Variants in THAP8 observed in about 807,000 individuals in gnomAD.
The protein encoded by THAP8 is THAP domain-containing protein 8.
Under a neutral mutation model 25.0 loss-of-function variants are expected in THAP8, and 24 were observed. The ratio of observed to expected loss-of-function variants is 0.96; its 90% CI spans 0.69 to 1.35. The LOEUF is 1.35. THAP8 is among the 40% of genes most tolerant of loss of function. The pLI, the probability that THAP8 is intolerant of heterozygous loss-of-function variation, is 0.00. For missense variants in THAP8, 399 were observed against 368.8 expected, an observed-to-expected ratio of 1.08 and a Z score of -0.67; for synonymous variants, 169 against 157.6, an observed-to-expected ratio of 1.07 and a Z score of -0.54.
chr19:36,054,157 T>G lies in THAP8; in HGVS notation c.61A>C (p.Asn21His). The change falls in exon 1 of 4, where the codon AAC becomes CAC. Residue 21 changes from asparagine to histidine, a missense_variant. Physicochemically the swap from Asn to His is moderately conservative, Grantham distance 68 (BLOSUM62 1). Transcript: ENST00000292894. ...SNTAGRLGAD[N>H]RPVSFYKFPL... ...CACTTGTAGAAGCTCACAGGGCGGT[T>G]GTCTGCACCCAGGCGGCCCGCAGTG... The G allele has an allele frequency of 2.5e-6, 4 of 1,614,020 alleles. No individual in the cohort carries two copies. Among genetic ancestry groups the G allele is most frequent in the Non-Finnish European group, 2.5e-6 (3 of 1,179,958 alleles).
At chr19:36,036,410 G>C (rs185233517) in intron 3 of THAP8, among the ~76,000 whole-genome samples, 1 of 150,706 alleles carries the variant, frequency 6.6e-6, no homozygotes, top group East Asian at 2.0e-4. Flanking sequence ...CAAATAGCTA[G>C]AACTATAGGT....
Position 36,039,538 on chromosome 19 carries a change from G to T in THAP8, c.457C>A (p.Pro153Thr). The change falls in exon 3 of 4, where the codon CCT becomes ACT. Residue 153 changes from proline (P) to threonine (T), a missense_variant. Physicochemically the swap from Pro to Thr is conservative, Grantham distance 38. Coordinates refer to ENST00000292894, the MANE Select transcript of THAP8 (RefSeq NM_152658.3). ...VATMLLTPLA[P>T]APTPERSQPE... ...TGTGACCGCTCAGGAGTTGGCGCAG[G>T]GGCCAGGGGGGTCAGGAGCATGGTG... 1 of 1,538,668 alleles carries T rather than the reference G, an allele frequency of 6.5e-7. No homozygotes were observed. The highest frequency in any genetic ancestry group is 8.8e-7 in the Non-Finnish European group (1 of 1,138,818).
intron 1 of THAP8, among the ~76,000 whole-genome samples, chr19:36,048,831 AC>A (rs1433801711): frequency 3.2e-5 from 4 of 123,082 alleles, no homozygotes; most frequent in Non-Finnish European, 6.5e-5. Flanking sequence ...GGTGATAAAG[AC>A]CCCTTCTTTA....
intron 1 of THAP8, among the ~76,000 whole-genome samples, chr19:36,045,145 C>T (rs1411898290): frequency 1.3e-5 from 2 of 151,718 alleles, no homozygotes; most frequent in Admixed American, 6.6e-5. Context: ...TGGAGTGCAG[C>T]GGCGCAATCT....
chr19:36,037,700 C>T (rs1318465960), intron 3 of THAP8, among the ~76,000 whole-genome samples: 1 of 152,140 alleles, frequency 6.6e-6, no homozygotes, highest in Non-Finnish European at 1.5e-5. Flanking sequence ...AGTGCAATGG[C>T]ACAATCTCGG....
chr19:36,049,896 T>C (rs1970004749), intron 1 of THAP8, among the ~76,000 whole-genome samples: 1 of 151,910 alleles, frequency 6.6e-6, no homozygotes, highest in Non-Finnish European at 1.5e-5. Context: ...CTACTAAAAA[T>C]ACAAAGAATT....
At position 36,036,091 on chromosome 19, in the gene THAP8, C is replaced by T. The variant is rs543215312; in HGVS notation, c.673-499G>A. Among the ~76,000 whole-genome samples the T allele has an allele frequency of 2.6e-5, 4 of 152,024 alleles. No homozygotes were observed. The South Asian group carries it at 8.3e-4, about 32-fold the overall frequency. On this transcript the variant is annotated intron_variant, in intron 3 of 3. Transcript: ENST00000292894. ...AGCTCAGGGGATCTGGCAGGCTCCACAAAGAGCCCCAGGCCCGAGTCTGAG... is the reference window on the plus strand; with the variant it reads ...AGCTCAGGGGATCTGGCAGGCTCCATAAAGAGCCCCAGGCCCGAGTCTGAG...
rs927554662 is a variant in THAP8 at position 36,039,543 on chromosome 19, A to AG, written c.451dup (p.Leu151ProfsTer8). ...CCGCTCAGGAGTTGGCGCAGGGGCC[A>AG]GGGGGGTCAGGAGCATGGTGGCCAC... On this transcript the variant is annotated frameshift_variant, in exon 3 of 4. Transcript: ENST00000292894. LOFTEE classifies it high-confidence loss of function. 3.3e-6 allele frequency: 5 copies of AG among 1,535,806 alleles called. No homozygotes were observed. The highest frequency in any genetic ancestry group is 1.4e-5 in the African/African-American group (1 of 72,916).
At chr19:36,052,348 C>T (rs1471985181) in intron 1 of THAP8, among the ~76,000 whole-genome samples, 5 of 152,150 alleles carry the variant, frequency 3.3e-5, no homozygotes, top group Admixed American at 2.6e-4. Context: ...TGGCCAGTTG[C>T]CCGCTTTTTA....
chr19:36,038,079 G>A (rs956827232), intron 3 of THAP8, among the ~76,000 whole-genome samples: 2 of 152,016 alleles, frequency 1.3e-5, no homozygotes, highest in Non-Finnish European at 2.9e-5. Flanking sequence ...CAAGTAGCTG[G>A]GATTACAGGT....
At position 36,039,738 on chromosome 19, in the gene THAP8, G is replaced by A; in HGVS notation, c.277-20C>T. 1 of 1,497,394 alleles carries A rather than the reference G, an allele frequency of 6.7e-7. No homozygotes were observed. Among genetic ancestry groups the A allele is most frequent in the Non-Finnish European group, 8.9e-7 (1 of 1,123,706 alleles). The allele number at this position is 1,497,394 out of a possible 1,614,324, so 92.8% of individuals were successfully genotyped here. On this transcript the variant is annotated intron_variant, in intron 2 of 3. Transcript: ENST00000292894. ...CTGACTCTGGAAGACAAGGCATGGG[G>A]TGCAGGGGTGCCGTGGTCAGACTTC...
In THAP8 at chr19:36,039,713, C is replaced by A; in HGVS notation, c.282G>T (p.Gln94His). 1 of 1,517,990 alleles carries A rather than the reference C, an allele frequency of 6.6e-7. No individual in the cohort carries two copies. 94.0% of individuals were successfully genotyped at this position (1,517,990 alleles called of 1,614,324 possible). The change falls in exon 3 of 4, where the codon CAG becomes CAT. Residue 94 changes from glutamine to histidine, a missense_variant. Transcript: ENST00000292894. ...GCTTCTGGGTGCTTCGGGTCCTCCGCTGACTCTGGAAGACAAGGCATGGGG... is the reference window on the plus strand; with the variant it reads ...GCTTCTGGGTGCTTCGGGTCCTCCGATGACTCTGGAAGACAAGGCATGGGG... ...IFSRGPPAKS[Q>H]RRTRSTQKPV...
intron 1 of THAP8, among the ~76,000 whole-genome samples, chr19:36,052,567 T>G (rs936685547): frequency 6.6e-6 from 1 of 152,248 alleles, no homozygotes; most frequent in Non-Finnish European, 1.5e-5. Context: ...AACTAAGCAG[T>G]GTTCAGATTG....
rs1219498178 is a variant in THAP8, at chr19:36,053,049, C to T, written c.83+1086G>A. Among the ~76,000 whole-genome samples, 5 of 151,380 alleles carry T rather than the reference C, an allele frequency of 3.3e-5. 1 individual carries two copies. Among genetic ancestry groups the T allele is most frequent in the Admixed American group, 2.6e-4 (4 of 15,202 alleles). ...ACTAGACTGGACAACATAGGGTGAT[C>T]CCATCTCTCTCTTTAAAAACAAAAT... On this transcript the variant is annotated intron_variant, in intron 1 of 3. Coordinates refer to ENST00000292894, the MANE Select transcript of THAP8 (RefSeq NM_152658.3).
intron 1 of THAP8, among the ~76,000 whole-genome samples, chr19:36,044,264 T>A (rs902913732): frequency 1.3e-5 from 2 of 152,200 alleles, no homozygotes; most frequent in East Asian, 3.8e-4. Context: ...CTCATGCATA[T>A]CCCATCTTCA....
chr19:36,052,631 T>C (rs1348376395), intron 1 of THAP8, among the ~76,000 whole-genome samples: 1 of 152,132 alleles, frequency 6.6e-6, no homozygotes, highest in Non-Finnish European at 1.5e-5. Flanking sequence ...GTCCGGATGG[T>C]GAAGTGGGCC....
At chr19:36,051,988 T>C (rs1970068227) in intron 1 of THAP8, among the ~76,000 whole-genome samples, 1 of 152,104 alleles carries the variant, frequency 6.6e-6, no homozygotes, top group Non-Finnish European at 1.5e-5. Flanking sequence ...TATTCTGAAC[T>C]GTGCATGTGA....
chr19:36,041,891 G>A (rs1031663240), intron 1 of THAP8, among the ~76,000 whole-genome samples: 3 of 151,686 alleles, frequency 2.0e-5, no homozygotes, highest in African/African-American at 7.3e-5. Context: ...GACCATCCTG[G>A]GCAATGTAGC....
At chr19:36,052,043 T>C (rs980974300) in intron 1 of THAP8, among the ~76,000 whole-genome samples, 16 of 151,392 alleles carry the variant, frequency 1.1e-4, no homozygotes, top group Non-Finnish European at 1.9e-4. Flanking sequence ...GTTTGTTTTT[T>C]GGGTTTTTTG....
Sources: gnomAD v4.1 joint callset for allele counts (sites outside exome capture counted in the v4.1 genomes callset) on GRCh38, gnomAD v4.1.1 for gene constraint, MANE v1.5 for transcripts, NCBI Gene and HGNC (gene_info 2026-07-23, HGNC 2026-07-21) for gene names.